Variants in ADGRG5 observed in about 807,000 individuals in gnomAD.
ADGRG5 encodes G protein-coupled receptor 114.
In ADGRG5, 37 loss-of-function variants were observed where a neutral mutation model predicts 53.2. The ratio of observed to expected loss-of-function variants is 0.70; its 90% CI spans 0.53 to 0.91. The LOEUF is 0.91. ADGRG5 is among the 40% of genes least tolerant of loss of function. The pLI is 0.00. For missense variants in ADGRG5, 614 were observed against 675.8 expected (o/e 0.91, Z 1.01); for synonymous variants, 277 against 290.4 (o/e 0.95, Z 0.47).
Position 57,568,007 on chromosome 16 carries a change from C to G in ADGRG5, c.973C>G (p.Leu325Val). Residue 325 changes from leucine to valine, a missense_variant, in exon 9 of 12, where the codon CTG becomes GTG. Leu to Val is a conservative substitution (Grantham distance 32). Coordinates refer to ENST00000349457, the MANE Select transcript of ADGRG5 (RefSeq NM_001304376.3). ...TCTGGCCGCTGCCCTGCACTACGCG[C>G]TGCTCAGCTGCCTCACCTGGATGGC... ...TALAAALHYA[L>V]LSCLTWMAIE... The G allele has an allele frequency of 6.2e-7, 1 of 1,614,064 alleles. No individual in the cohort carries two copies. The highest frequency in any genetic ancestry group is 1.1e-5 in the South Asian group (1 of 91,088).
intron 9 of ADGRG5, among the ~76,000 whole-genome samples, chr16:57,569,069 C>G (rs1213275846): frequency 6.6e-6 from 1 of 150,988 alleles, no homozygotes; most frequent in East Asian, 2.0e-4. Flanking sequence ...ATCACCTCCT[C>G]CACCTTCATC....
At chr16:57,552,278 G>A (rs778910482) in intron 1 of ADGRG5, among the ~76,000 whole-genome samples, 122 of 152,140 alleles carry the variant, frequency 8.0e-4, no homozygotes, top group Non-Finnish European at 4.3e-4. Context: ...TTTGAAACCA[G>A]GCATTGATTT....
At position 57,567,506 on chromosome 16, in the gene ADGRG5, G is replaced by T; in HGVS notation, c.736G>T (p.Ala246Ser). 1.9e-6 allele frequency: 3 copies of T among 1,610,946 alleles called. No homozygotes were observed. The highest frequency in any genetic ancestry group is 2.5e-6 in the Non-Finnish European group (3 of 1,179,886). Residue 246 changes from alanine to serine, a missense_variant, in exon 8 of 12, where the codon GCA becomes TCA. Transcript: ENST00000349457. ...SPALVPAELL[A>S]PLTYISLVGC... ...AGCCCTGGTCCCTGCAGAGTTGCTG[G>T]CACCTCTTACGTACATCTCCCTCGT...
Position 57,567,558 on chromosome 16 carries a change from C to A in ADGRG5, c.788C>A (p.Ser263Ter). The A allele has an allele frequency of 6.2e-7, 1 of 1,611,774 alleles. No homozygotes were observed. Among genetic ancestry groups the A allele is most frequent in the Non-Finnish European group, 8.5e-7 (1 of 1,179,904 alleles). The change falls in exon 8 of 12, where the codon TCG (serine) becomes TAG (stop). Residue 263 changes from serine (S) to a stop codon, truncating the protein, a stop_gained. Coordinates refer to ENST00000349457, the MANE Select transcript of ADGRG5 (RefSeq NM_001304376.3). LOFTEE classifies it high-confidence loss of function. ...GGCTGCAGCATCTCCATCGTGGCCT[C>A]GCTGATCACAGTCCTGCTGCACTTC... is the stretch of plus-strand genomic sequence containing the variant. ...LVGCSISIVA[S>*]LITVLLHFHF...
the ADGRG5 span, among the ~76,000 whole-genome samples, chr16:57,532,894 G>A: frequency 2.0e-5 from 3 of 152,164 alleles, no homozygotes; most frequent in African/African-American, 7.2e-5. Flanking sequence ...ATGGGGGCCC[G>A]GGCCCTGTCT....
chr16:57,532,823 G>T, the ADGRG5 span, among the ~76,000 whole-genome samples: 2 of 152,256 alleles, frequency 1.3e-5, no homozygotes, highest in Non-Finnish European at 2.9e-5. Flanking sequence ...GAGCCTGTGG[G>T]GGGAGGGGAG....
At chr16:57,559,669 T>G (rs12443839) in intron 1 of ADGRG5, among the ~76,000 whole-genome samples, 64,824 of 151,812 alleles carry the variant, frequency 0.43, 14,965 homozygotes, top group East Asian at 0.68. Context: ...GTTTCATCCA[T>G]CAAAGATAAT....
rs1316185696 is a variant in ADGRG5 at position 57,559,350 on chromosome 16, G to A, written c.-38-2706G>A. 1.2e-4 allele frequency among the ~76,000 whole-genome samples: 19 copies of A among 152,204 alleles called. 1 individual carries two copies. The highest frequency in any genetic ancestry group is 4.3e-4 in the African/African-American group (18 of 41,452). On this transcript the variant is annotated intron_variant, in intron 1 of 11. Coordinates refer to ENST00000349457, the MANE Select transcript of ADGRG5 (RefSeq NM_001304376.3). ...CTTGCACTCATGCAGGGCCCAGAGT[G>A]CAGATGGGCTTCTCCAGGTAATCCT...
At chr16:57,532,698 G>GACACACACACAC in the ADGRG5 span, among the ~76,000 whole-genome samples, 1 of 148,176 alleles carries the variant, frequency 6.7e-6, no homozygotes, top group Admixed American at 6.7e-5. Context: ...AAGTGAAGCA[G>GACACACACACAC]ACACACACAC....
rs574975647 is a variant in ADGRG5, at chr16:57,558,783, G to A, written c.-38-3273G>A. Among the ~76,000 whole-genome samples the A allele has an allele frequency of 1.3e-4, 19 of 151,664 alleles. No homozygotes were observed. In the South Asian group the frequency reaches 4.0e-3, roughly 32 times the overall value. ...AGCAGCAGCCCTCTGTTTTATATCA[G>A]TGCAAAATCCTGGACACTAATGGGT... On this transcript the variant is annotated intron_variant, in intron 1 of 11. Coordinates refer to ENST00000349457, the MANE Select transcript of ADGRG5 (RefSeq NM_001304376.3).
At chr16:57,562,706 T>G in intron 3 of ADGRG5, 1 of 551,012 alleles carries the variant, frequency 1.8e-6, no homozygotes, top group Non-Finnish European at 3.2e-6. Flanking sequence ...TCTCCATGCA[T>G]TTTCCTGGGA....
At chr16:57,537,135 C>T in the ADGRG5 span, among the ~76,000 whole-genome samples, 1 of 152,214 alleles carries the variant, frequency 6.6e-6, no homozygotes, top group South Asian at 2.1e-4. Flanking sequence ...AGACTTTTCT[C>T]TGCATTGCGA....
intron 1 of ADGRG5, among the ~76,000 whole-genome samples, chr16:57,554,400 G>C (rs1219294931): frequency 6.7e-6 from 1 of 148,604 alleles, no homozygotes; most frequent in Non-Finnish European, 1.5e-5. Flanking sequence ...TTTTCGAGAC[G>C]GAGTCTTGCT....
At chr16:57,563,033 C>A (rs1430680253) in intron 3 of ADGRG5, 58 bp from the exon 4 acceptor site, 1 of 1,598,676 alleles carries the variant, frequency 6.3e-7, no homozygotes, top group East Asian at 2.2e-5. Context: ...CTACAGCCCC[C>A]TCTCACCCTT....
the ADGRG5 span, among the ~76,000 whole-genome samples, chr16:57,530,844 T>C: frequency 2.2e-4 from 34 of 151,840 alleles, no homozygotes; most frequent in Non-Finnish European, 4.4e-4. Context: ...CTCCACTCCG[T>C]CTACCTGCTT....
intron 1 of ADGRG5, among the ~76,000 whole-genome samples, chr16:57,548,018 G>C (rs1388233004): frequency 6.6e-6 from 1 of 152,062 alleles, no homozygotes; most frequent in Non-Finnish European, 1.5e-5. Flanking sequence ...AGCGTGCTGG[G>C]ATTACAGGTA....
upstream of ADGRG5, among the ~76,000 whole-genome samples, chr16:57,541,786 C>A (rs538395745): frequency 5.9e-5 from 9 of 152,340 alleles, no homozygotes; most frequent in Admixed American, 5.9e-4. Flanking sequence ...TCTCTCTATC[C>A]CCCACACACA....
chr16:57,552,195 T>C (rs1390920992), intron 1 of ADGRG5, among the ~76,000 whole-genome samples: 2 of 152,186 alleles, frequency 1.3e-5, no homozygotes, highest in Non-Finnish European at 2.9e-5. Context: ...GGATGTTAAA[T>C]GAGTATTGGC....
At chr16:57,554,230 C>G (rs907651414) in intron 1 of ADGRG5, among the ~76,000 whole-genome samples, 4 of 151,990 alleles carry the variant, frequency 2.6e-5, no homozygotes, top group African/African-American at 9.7e-5. Flanking sequence ...TTGCTGATAA[C>G]TGGTCATTGT....
Sources: gnomAD v4.1 joint callset for allele counts (sites outside exome capture counted in the v4.1 genomes callset) on GRCh38, gnomAD v4.1.1 for gene constraint, MANE v1.5 for transcripts, NCBI Gene and HGNC (gene_info 2026-07-23, HGNC 2026-07-21) for gene names.